The following GABBR1 variants were observed in gnomAD, a reference collection of about 807,000 sequenced individuals.
GABBR1 encodes GABA-B receptor, R1 subunit.
A neutral mutation model predicts 117.7 loss-of-function variants in GABBR1; 35 were observed. The observed-to-expected ratio is 0.30, with a 90% confidence interval of 0.23 to 0.39. The LOEUF is 0.39. Among genes scored for constraint, GABBR1 ranks in the 10% least tolerant of loss-of-function variants. GABBR1 has a pLI of 1.00. For missense variants in GABBR1, 709 were observed against 1,241.8 expected (o/e 0.57, Z 6.45); for synonymous variants, 442 against 486.6 (o/e 0.91, Z 1.21).
At chr6:29,626,774 T>C (rs1328771482) in intron 6 of GABBR1, among the ~76,000 whole-genome samples, 2 of 152,036 alleles carry the variant, frequency 1.3e-5, no homozygotes, top group Admixed American at 1.3e-4. Flanking sequence ...TTGACTCTTC[T>C]TCATCCCCAT....
chr6:29,622,135 G>A lies in GABBR1; in HGVS notation c.1034C>T (p.Ser345Leu), dbSNP rs751734320. The A allele has an allele frequency of 6.2e-7, 1 of 1,614,120 alleles. No individual in the cohort carries two copies. Residue 345 changes from serine to leucine, a missense_variant, in exon 9 of 23, where the codon TCA (serine) becomes TTA (leucine). Transcript: ENST00000377034. This position sits in a 1 kb window ranked among gnomAD's most constrained non-coding sequence, Gnocchi z 4.6. The part of the protein sequence containing the change: ...IEITFRQSFF[S>L]DPAVPVKNLK... ...GTTTTTGACGGGCACAGCTGGATCTGAGAAGAAACTCTGGCGGAAAGTAAT... is the reference window on the plus strand; with the variant it reads ...GTTTTTGACGGGCACAGCTGGATCTAAGAAGAAACTCTGGCGGAAAGTAAT...
chr6:29,627,507 C>A lies in GABBR1; in HGVS notation c.636G>T (p.Lys212Asn). The A allele has an allele frequency of 6.9e-7, 1 of 1,452,816 alleles. No homozygotes were observed. The highest frequency in any genetic ancestry group is 9.2e-7 in the Non-Finnish European group (1 of 1,082,270). The allele number at this position is 1,452,816 out of a possible 1,614,324, so 90.0% of individuals were successfully genotyped here. The stretch of plus-strand genomic sequence containing the variant: ...CTACCTTGCTGTCGTGGTGGATGAG[C>A]TTGAGCTCATAGTCCGGCAGGATGT... ...RRDILPDYEL[K>N]LIHHDSKCDP... The change falls in exon 6 of 23, where the codon AAG (lysine) becomes AAT (asparagine). Residue 212 changes from lysine to asparagine, a missense_variant. Around this residue, in one of 9 missense-constraint regions of GABBR1, gnomAD observed 192 missense variants for 418.4 expected, o/e 0.46. Transcript: ENST00000377034. This position sits in a 1 kb window ranked among gnomAD's most constrained non-coding sequence, Gnocchi z 4.4.
At chr6:29,625,177 G>A (rs1329903490) in intron 6 of GABBR1, among the ~76,000 whole-genome samples, 1 of 152,034 alleles carries the variant, frequency 6.6e-6, no homozygotes. Flanking sequence ...CCTCACTCTG[G>A]CCAAGGGCAG....
At position 29,613,147 on chromosome 6, in the gene GABBR1, G is replaced by A; in HGVS notation, c.1566+96C>T. The A allele has an allele frequency of 7.5e-7, 1 of 1,335,508 alleles. No homozygotes were observed. Among genetic ancestry groups the A allele is most frequent in the Non-Finnish European group, 1.1e-6 (1 of 950,988 alleles). The allele number at this position is 1,335,508 out of a possible 1,614,324, so 82.7% of individuals were successfully genotyped here. On this transcript the variant is annotated intron_variant, in intron 12 of 22. Coordinates refer to ENST00000377034, the MANE Select transcript of GABBR1 (RefSeq NM_001470.4). This position sits in a 1 kb window ranked among gnomAD's most constrained non-coding sequence, Gnocchi z 4.1. The stretch of plus-strand genomic sequence containing the variant: ...AGACTGATTCTGCAAAGAAGTAACT[G>A]AGAAAAACAGAGAATGCATGTTTGT...
In GABBR1 at chr6:29,630,366, CTCTCCAT is replaced by C; in HGVS notation, c.475+85_475+91del. The C allele has an allele frequency of 8.6e-7, 1 of 1,164,200 alleles. No homozygotes were observed. Among genetic ancestry groups the C allele is most frequent in the Non-Finnish European group, 1.2e-6 (1 of 803,348 alleles). The allele number at this position is 1,164,200 out of a possible 1,614,324, so 72.1% of individuals were successfully genotyped here. On this transcript the variant is annotated intron_variant, in intron 4 of 22. Coordinates refer to ENST00000377034, the MANE Select transcript of GABBR1 (RefSeq NM_001470.4). The surrounding 1 kb of genome is among the most constrained non-coding windows in gnomAD (Gnocchi z 4.9). ...AGTGTCCTCCCCCACATTTTTATAG[CTCTCCAT>C]TCTTTCCCATTATCCATTCCCACCC...
chr6:29,603,941 A>G (rs1453711455), intron 22 of GABBR1, among the ~76,000 whole-genome samples: 1 of 152,212 alleles, frequency 6.6e-6, no homozygotes, highest in African/African-American at 2.4e-5. Context: ...GATCAGGGAA[A>G]TAAGAGAGAA....
chr6:29,608,815 A>G (rs29262), intron 15 of GABBR1, 82 bp from the exon 16 acceptor site: 143,667 of 1,469,294 alleles, frequency 0.098, 7,646 homozygotes, highest in Middle Eastern at 0.17. Flanking sequence ...AATACCACGC[A>G]ATGGCATGAC....
At position 29,609,500 on chromosome 6, in the gene GABBR1, G is replaced by T; in HGVS notation, c.1709-121C>A. The stretch of plus-strand genomic sequence containing the variant: ...ATTGCTGATGGACATTCAGTCATTG[G>T]CTGGGGACATGAGGCCCTAACTGCA... On this transcript the variant is annotated intron_variant, in intron 14 of 22. Transcript: ENST00000377034. This position sits in a 1 kb window ranked among gnomAD's most constrained non-coding sequence, Gnocchi z 4.3. 1.2e-6 allele frequency: 1 copy of T among 829,706 alleles called. No individual in the cohort carries two copies. The highest frequency in any genetic ancestry group is 1.9e-6 in the Non-Finnish European group (1 of 522,920). 51.4% of individuals were successfully genotyped at this position (829,706 alleles called of 1,614,324 possible). A position where few individuals can be genotyped will look rare whatever the true frequency, so the allele number is the denominator to read the frequency against.
chr6:29,603,603 G>A lies in GABBR1; in HGVS notation c.2826C>T (p.Pro942=). ...AGCTAAGCCGGTCGGGGGGCTCAGG[G>A]GGTCCCCTGGGCAGGCCCCCAGAGG... ...PEPSGGLPRG[P]PEPPDRLSCD... The change falls in exon 23 of 23, where the codon CCC becomes CCT. Residue 942 remains proline (P), a synonymous_variant. Coordinates refer to ENST00000377034, the MANE Select transcript of GABBR1 (RefSeq NM_001470.4). The A allele has an allele frequency of 1.3e-6, 2 of 1,583,558 alleles. No individual in the cohort carries two copies. The highest frequency in any genetic ancestry group is 1.7e-6 in the Non-Finnish European group (2 of 1,167,236).
intron 16 of GABBR1, among the ~76,000 whole-genome samples, chr6:29,608,275 A>G (rs1363093999): frequency 1.3e-5 from 2 of 152,172 alleles, no homozygotes; most frequent in African/African-American, 4.8e-5. Context: ...CTCAGCCCCC[A>G]TACCACAGAC....
intron 6 of GABBR1, chr6:29,624,341 C>A: frequency 4.5e-6 from 1 of 220,744 alleles, no homozygotes; most frequent in Non-Finnish European, 9.0e-6. Flanking sequence ...CCTCTGTCAC[C>A]AAGCCCTTTA....
Position 29,604,381 on chromosome 6 carries a change from C to G in GABBR1, c.2712+113G>C. Reference sequence around the variant, plus strand: ...AGGTTGTCTCCTAGGACCCTCCCTCCATGAGCCAAGAACATCTGACCCTGT... The same window carrying G: ...AGGTTGTCTCCTAGGACCCTCCCTCGATGAGCCAAGAACATCTGACCCTGT... On this transcript the variant is annotated intron_variant, in intron 22 of 22. Coordinates refer to ENST00000377034, the MANE Select transcript of GABBR1 (RefSeq NM_001470.4). The surrounding 1 kb of genome is among the most constrained non-coding windows in gnomAD (Gnocchi z 5.3). The G allele has an allele frequency of 7.4e-7, 1 of 1,351,282 alleles. No individual in the cohort carries two copies. Among genetic ancestry groups the G allele is most frequent in the Non-Finnish European group, 1.0e-6 (1 of 952,738 alleles). 83.7% of individuals were successfully genotyped at this position (1,351,282 alleles called of 1,614,324 possible). A position where few individuals can be genotyped will look rare whatever the true frequency, so the allele number is the denominator to read the frequency against.
At chr6:29,616,983 TA>T (rs28383952) in intron 11 of GABBR1, among the ~76,000 whole-genome samples, 3,429 of 71,654 alleles carry the variant, frequency 0.048, 84 homozygotes, top group African/African-American at 0.12. Flanking sequence ...CCGTCTCTAC[TA>T]AAAAAAAAAA....
intron 5 of GABBR1, chr6:29,628,263 C>T: frequency 1.4e-6 from 1 of 728,032 alleles, no homozygotes; most frequent in Non-Finnish European, 1.6e-6. Context: ...TAAGGGGACC[C>T]GAGGGGAGGA....
At position 29,604,748 on chromosome 6, in the gene GABBR1, G is replaced by C; in HGVS notation, c.2569-111C>G. On this transcript the variant is annotated intron_variant, in intron 21 of 22. Transcript: ENST00000377034. This position sits in a 1 kb window ranked among gnomAD's most constrained non-coding sequence, Gnocchi z 5.3. ...CTGATAAGAGTTGGGCCCAAAACAA[G>C]GGGAGGAGTGAGAGGAGGGTGAACG... The C allele has an allele frequency of 6.3e-7, 1 of 1,589,260 alleles. No homozygotes were observed. The highest frequency in any genetic ancestry group is 8.6e-7 in the Non-Finnish European group (1 of 1,163,440).
In GABBR1 at chr6:29,605,002, C is replaced by G; in HGVS notation, c.2440-14G>C. The G allele has an allele frequency of 1.2e-6, 2 of 1,604,276 alleles. No homozygotes were observed. ...GAGGCACAGGACCTAGAGGGAAAGA[C>G]ACATTGAGGGAGTCTCAGGTCTGCA... On this transcript the variant is annotated splice_polypyrimidine_tract_variant and intron_variant, in intron 20 of 22. Coordinates refer to ENST00000377034, the MANE Select transcript of GABBR1 (RefSeq NM_001470.4). The surrounding 1 kb of genome is among the most constrained non-coding windows in gnomAD (Gnocchi z 4.2).
chr6:29,631,263 T>C lies in GABBR1; in HGVS notation c.289+133A>G, dbSNP rs1362826992. ...ACAGAGCAAAATTGCTCTTATGTAG[T>C]AGTCATTCAATAAATGTATTTGTGA... On this transcript the variant is annotated intron_variant, in intron 3 of 22. Coordinates refer to ENST00000377034, the MANE Select transcript of GABBR1 (RefSeq NM_001470.4). This position sits in a 1 kb window ranked among gnomAD's most constrained non-coding sequence, Gnocchi z 5.9. 1 of 909,126 alleles carries C rather than the reference T, an allele frequency of 1.1e-6. No individual in the cohort carries two copies. 56.3% of individuals were successfully genotyped at this position (909,126 alleles called of 1,614,324 possible). A position where few individuals can be genotyped will look rare whatever the true frequency, so the allele number is the denominator to read the frequency against.
At position 29,607,648 on chromosome 6, in the gene GABBR1, T is replaced by C. The variant is rs1762101847; in HGVS notation, c.1993-430A>G. ...TGCTGAACTACTCACTTTCTCTTCA[T>C]CTACTCTCTTTCATGTATTTTCTAG... is the stretch of plus-strand genomic sequence containing the variant. On this transcript the variant is annotated intron_variant, in intron 16 of 22. Coordinates refer to ENST00000377034, the MANE Select transcript of GABBR1 (RefSeq NM_001470.4). This position sits in a 1 kb window ranked among gnomAD's most constrained non-coding sequence, Gnocchi z 5.0. Among the ~76,000 whole-genome samples the C allele has an allele frequency of 6.6e-6, 1 of 152,218 alleles. No homozygotes were observed. The highest frequency in any genetic ancestry group is 6.5e-5 in the Admixed American group (1 of 15,288).
In GABBR1 at chr6:29,621,607, C is replaced by A; in HGVS notation, c.1131+145G>T. 1.4e-6 allele frequency: 1 copy of A among 728,624 alleles called. No individual in the cohort carries two copies. The highest frequency in any genetic ancestry group is 1.7e-5 in the South Asian group (1 of 57,778). The allele number at this position is 728,624 out of a possible 1,614,324, so 45.1% of individuals were successfully genotyped here. ...TGTGTGTGCAGACAAGGGATGCAGT[C>A]AGAGCCAACAGACAGAGACATCCTA... On this transcript the variant is annotated intron_variant, in intron 10 of 22. Coordinates refer to ENST00000377034, the MANE Select transcript of GABBR1 (RefSeq NM_001470.4). This position sits in a 1 kb window ranked among gnomAD's most constrained non-coding sequence, Gnocchi z 5.0.
Sources: gnomAD v4.1 joint callset for allele counts (sites outside exome capture counted in the v4.1 genomes callset) on GRCh38, gnomAD v4.1.1 for gene constraint, gnomAD v4.1.1 regional missense constraint, Gnocchi (gnomAD v3.1) non-coding constraint, MANE v1.5 for transcripts, NCBI Gene and HGNC (gene_info 2026-07-23, HGNC 2026-07-21) for gene names.